Variants in GNB1L observed in about 807,000 individuals in gnomAD.
GNB1L encodes the protein G protein subunit beta 1 like.
A neutral mutation model predicts 29.1 loss-of-function variants in GNB1L; 20 were observed. The observed-to-expected ratio is 0.69, with a 90% CI of 0.48 to 1.00. The LOEUF (loss-of-function observed/expected upper bound fraction) is 1.00, where lower values mean the gene tolerates loss of function less well. Ranked by LOEUF, GNB1L falls within the 50% of genes least tolerant of loss-of-function variation. The pLI is 0.00. For synonymous variants in GNB1L, 193 were observed against 206.5 expected, an observed-to-expected ratio of 0.93 and a Z score of 0.56; for missense variants, 421 against 464.9, an observed-to-expected ratio of 0.91 and a Z score of 0.87.
intron 5 of GNB1L, 89 bp downstream of exon 5, chr22:19,812,196 G>A (rs1937507520): frequency 1.5e-6 from 2 of 1,374,318 alleles, no homozygotes; most frequent in Non-Finnish European, 2.0e-6. Flanking sequence ...ATGGAGTCCT[G>A]TGGGTAGGCG....
chr22:19,818,082 GT>G (rs1425133422), intron 4 of GNB1L, among the ~76,000 whole-genome samples: 1 of 152,228 alleles, frequency 6.6e-6, no homozygotes, highest in Non-Finnish European at 1.5e-5. Context: ...CTCTAGTACA[GT>G]GCAGACGCAC....
intron 7 of GNB1L, among the ~76,000 whole-genome samples, chr22:19,797,255 G>A (rs1937316945): frequency 6.6e-6 from 1 of 151,994 alleles, no homozygotes; most frequent in South Asian, 2.1e-4. Context: ...CTAGGCAGGT[G>A]GTGGGAGAGG....
intron 2 of GNB1L, among the ~76,000 whole-genome samples, chr22:19,832,281 G>T (rs1186770011): frequency 6.6e-6 from 1 of 152,178 alleles, no homozygotes; most frequent in Non-Finnish European, 1.5e-5. Context: ...AGCGAGCTGT[G>T]ATTGTGCCAC....
intron 7 of GNB1L, among the ~76,000 whole-genome samples, chr22:19,789,721 C>T (rs1052177951): frequency 3.3e-5 from 5 of 151,864 alleles, no homozygotes; most frequent in Non-Finnish European, 7.4e-5. Context: ...TGGCATGTGC[C>T]TGTAATCCCA....
At chr22:19,803,952 C>CT (rs1937403972) in intron 6 of GNB1L, among the ~76,000 whole-genome samples, 1 of 152,254 alleles carries the variant, frequency 6.6e-6, no homozygotes, top group South Asian at 2.1e-4. Flanking sequence ...GTCTCAGAGC[C>CT]TAGAGCCTGT....
intron 2 of GNB1L, among the ~76,000 whole-genome samples, chr22:19,854,044 C>T (rs981983383): frequency 2.0e-5 from 3 of 152,224 alleles, no homozygotes; most frequent in African/African-American, 7.2e-5. Context: ...CTGCACCAGC[C>T]AGCCAGGCCT....
At chr22:19,796,905 G>A (rs948184285) in intron 7 of GNB1L, among the ~76,000 whole-genome samples, 11 of 152,136 alleles carry the variant, frequency 7.2e-5, no homozygotes, top group Non-Finnish European at 1.5e-4. Flanking sequence ...AAGGACAAAC[G>A]CATACAAGAC....
At chr22:19,817,923 G>A (rs1937544688) in intron 4 of GNB1L, among the ~76,000 whole-genome samples, 1 of 152,218 alleles carries the variant, frequency 6.6e-6, no homozygotes, top group Non-Finnish European at 1.5e-5. Flanking sequence ...GGTGGCTGTC[G>A]AAGGCACAGG....
intron 2 of GNB1L, among the ~76,000 whole-genome samples, chr22:19,825,598 G>T (rs560528497): frequency 1.3e-5 from 2 of 151,940 alleles, no homozygotes; most frequent in East Asian, 3.9e-4. Context: ...CTCCAGCCTG[G>T]GGGACAGAGC....
intron 7 of GNB1L, among the ~76,000 whole-genome samples, chr22:19,798,135 G>A (rs73379926): frequency 0.034 from 5,146 of 151,132 alleles, 303 homozygotes; most frequent in African/African-American, 0.11. Context: ...CCTGTGACCC[G>A]GCTGAGGGGC....
intron 4 of GNB1L, 58 bp downstream of exon 4, chr22:19,820,540 C>T (rs1045093335): frequency 1.3e-6 from 2 of 1,557,048 alleles, no homozygotes; most frequent in African/African-American, 2.7e-5. Context: ...GAGCCTCCAT[C>T]AGAGAGTTCC....
intron 5 of GNB1L, 34 bp from the exon 6 acceptor site, chr22:19,806,791 C>A: frequency 6.9e-7 from 1 of 1,454,956 alleles, no homozygotes; most frequent in African/African-American, 1.4e-5. Context: ...TTTGGGCCGT[C>A]GCCAAGTCGA....
At chr22:19,843,695 C>A (rs951104855) in intron 2 of GNB1L, among the ~76,000 whole-genome samples, 1 of 152,196 alleles carries the variant, frequency 6.6e-6, no homozygotes, top group South Asian at 2.1e-4. Flanking sequence ...GAGGGGAACC[C>A]GAGCCCCGGC....
At chr22:19,794,203 T>C (rs1437968271) in intron 7 of GNB1L, among the ~76,000 whole-genome samples, 1 of 152,092 alleles carries the variant, frequency 6.6e-6, no homozygotes, top group Non-Finnish European at 1.5e-5. Context: ...TGAGCTGTGA[T>C]TGCACCACTG....
intron 5 of GNB1L, 151 bp downstream of exon 5, chr22:19,812,134 C>T (rs1937507125): frequency 1.3e-6 from 1 of 760,988 alleles, no homozygotes; most frequent in Admixed American, 2.9e-5. Flanking sequence ...CCAGGCCTAG[C>T]CGGCTGTGCA....
chr22:19,840,238 C>T (rs1196843422), intron 2 of GNB1L, among the ~76,000 whole-genome samples: 1 of 151,978 alleles, frequency 6.6e-6, no homozygotes, highest in Non-Finnish European at 1.5e-5. Flanking sequence ...GCCCATGAGT[C>T]CACACTGAGG....
At chr22:19,799,664 AG>A (rs2145865781) in intron 7 of GNB1L, among the ~76,000 whole-genome samples, 1 of 152,260 alleles carries the variant, frequency 6.6e-6, no homozygotes, top group Admixed American at 6.5e-5. Flanking sequence ...GGAGGGTGTG[AG>A]GGGGACACAG....
chr22:19,806,387 G>A (rs374599301), intron 6 of GNB1L, among the ~76,000 whole-genome samples: 2 of 152,234 alleles, frequency 1.3e-5, no homozygotes, highest in South Asian at 2.1e-4. Context: ...CACGAGCTGC[G>A]GGGTGAGCCC....
rs769759118 is a variant in GNB1L at position 19,820,576 on chromosome 22, C to G, written c.254+22G>C. The G allele has an allele frequency of 3.7e-6, 6 of 1,606,968 alleles. No homozygotes were observed. In the Admixed American group the frequency reaches 5.0e-5, roughly 13 times the overall value. On this transcript the variant is annotated intron_variant, in intron 4 of 7. Coordinates refer to ENST00000329517, the MANE Select transcript of GNB1L (RefSeq NM_053004.3). ...TGACTCCCCCGAAGGCCATACCTGG[C>G]TCCTGCACCTTGGAGACCCACCTGA...
Sources: allele counts gnomAD v4.1 joint callset (sites outside exome capture counted in the v4.1 genomes callset), GRCh38; gene constraint gnomAD v4.1.1; transcripts MANE v1.5; gene names NCBI Gene and HGNC (gene_info 2026-07-23, HGNC 2026-07-21).